The following GAS7 variants were observed in gnomAD, a reference collection of about 807,000 sequenced individuals.
GAS7 encodes the protein growth arrest-specific protein 7.
A neutral mutation model predicts 71.1 loss-of-function variants in GAS7; 28 were observed. The ratio of observed to expected loss-of-function variants is 0.39; its 90% CI spans 0.29 to 0.54. The LOEUF (loss-of-function observed/expected upper bound fraction) is 0.54, where lower values mean the gene tolerates loss of function less well. Ranked by LOEUF, GAS7 falls within the 20% of genes least tolerant of loss-of-function variation. The probability of loss-of-function intolerance (pLI) is 0.62; values close to 1 mark genes in which losing one functional copy is unlikely to be tolerated. For missense variants in GAS7, 436 were observed against 627.8 expected (o/e 0.69, Z 3.27); for synonymous variants, 258 against 245.8 (o/e 1.05, Z -0.46).
intron 2 of GAS7, among the ~76,000 whole-genome samples, chr17:9,984,100 A>G (rs2070542696): frequency 6.6e-6 from 1 of 152,244 alleles, no homozygotes; most frequent in African/African-American, 2.4e-5. Context: ...TGATATGAGG[A>G]TATAACATTA....
At chr17:10,187,608 G>A (rs2074465270) in intron 1 of GAS7, among the ~76,000 whole-genome samples, 1 of 151,972 alleles carries the variant, frequency 6.6e-6, no homozygotes. Context: ...TATGCTTTTT[G>A]GTAAGCTGCC....
intron 1 of GAS7, among the ~76,000 whole-genome samples, chr17:10,126,116 T>C (rs1473888445): frequency 6.6e-6 from 1 of 152,132 alleles, no homozygotes; most frequent in South Asian, 2.1e-4. Context: ...TTGGGTTCCC[T>C]GGCCACCAAA....
At chr17:10,144,912 G>T (rs566090717) in intron 1 of GAS7, among the ~76,000 whole-genome samples, 13 of 152,212 alleles carry the variant, frequency 8.5e-5, no homozygotes, top group Non-Finnish European at 1.3e-4. Flanking sequence ...TGCATGGCAG[G>T]TACAACAGGC....
chr17:10,149,667 TCA>T (rs2074148824), intron 1 of GAS7, among the ~76,000 whole-genome samples: 1 of 152,158 alleles, frequency 6.6e-6, no homozygotes, highest in African/African-American at 2.4e-5. Context: ...ACAGCATTAT[TCA>T]CAATAGCTAG....
intron 9 of GAS7, among the ~76,000 whole-genome samples, chr17:9,933,299 A>C (rs1355610492): frequency 6.6e-6 from 1 of 152,190 alleles, no homozygotes; most frequent in Non-Finnish European, 1.5e-5. Context: ...GCATAACCTA[A>C]TGTTCCCTGA....
rs562573778 is a variant in GAS7 at position 9,911,044 on chromosome 17, T to A, written c.*6184A>T. On this transcript the variant is annotated 3_prime_UTR_variant, in exon 14 of 14. Coordinates refer to ENST00000432992, the MANE Select transcript of GAS7 (RefSeq NM_201433.2). The surrounding 1 kb of genome is among the most constrained non-coding windows in gnomAD (Gnocchi z 4.0). ...CGATGTGCTCGTGTCTGTGAAGGGG[T>A]TGCTTCCGGTCATCTCCTTCCTAAC... 4.3e-6 allele frequency: 1 copy of A among 232,972 alleles called. No individual in the cohort carries two copies. The highest frequency in any genetic ancestry group is 8.5e-6 in the Non-Finnish European group (1 of 117,844). The allele number at this position is 232,972 out of a possible 1,614,324, so 14.4% of individuals were successfully genotyped here.
At chr17:10,044,155 AG>A (rs1361500718) in intron 1 of GAS7, among the ~76,000 whole-genome samples, 2 of 152,238 alleles carry the variant, frequency 1.3e-5, no homozygotes, top group African/African-American at 2.4e-5. Flanking sequence ...CAGCATCACT[AG>A]TGGCACACTC....
At chr17:9,999,425 G>A (rs1486352881) in intron 2 of GAS7, among the ~76,000 whole-genome samples, 2 of 152,118 alleles carry the variant, frequency 1.3e-5, no homozygotes, top group African/African-American at 4.8e-5. Flanking sequence ...GGCTGAGGCA[G>A]GAGAATTGCT....
At chr17:10,045,624 G>T (rs1229676033) in intron 1 of GAS7, among the ~76,000 whole-genome samples, 1 of 152,124 alleles carries the variant, frequency 6.6e-6, no homozygotes, top group Non-Finnish European at 1.5e-5. Context: ...TTGAACCCAG[G>T]AGACAGAGAT....
intron 2 of GAS7, among the ~76,000 whole-genome samples, chr17:10,018,720 T>C (rs143296140): frequency 1.3e-3 from 195 of 152,250 alleles, no homozygotes; most frequent in African/African-American, 4.5e-3. Flanking sequence ...GGCTCCCCTG[T>C]CACTAGGACC....
chr17:9,977,061 G>A (rs1321330190), intron 3 of GAS7, among the ~76,000 whole-genome samples: 2 of 152,214 alleles, frequency 1.3e-5, no homozygotes, highest in Non-Finnish European at 2.9e-5. Context: ...CGTAATGCAC[G>A]ATGTCAATTT....
At chr17:10,182,479 T>A (rs955330491) in intron 1 of GAS7, among the ~76,000 whole-genome samples, 11 of 152,108 alleles carry the variant, frequency 7.2e-5, no homozygotes, top group African/African-American at 2.7e-4. Context: ...TACTTTTTAA[T>A]AAATTTGCTT....
At chr17:10,086,417 T>C (rs962597282) in intron 1 of GAS7, among the ~76,000 whole-genome samples, 2 of 152,140 alleles carry the variant, frequency 1.3e-5, no homozygotes, top group Non-Finnish European at 2.9e-5. Flanking sequence ...GCCAGGATTA[T>C]GTCTCCTTCA....
At chr17:9,933,576 C>T (rs1467101307) in intron 9 of GAS7, among the ~76,000 whole-genome samples, 1 of 152,142 alleles carries the variant, frequency 6.6e-6, no homozygotes. Context: ...GGTATAGTGG[C>T]TCATGTCTGT....
At chr17:9,966,301 C>T (rs573086483) in intron 4 of GAS7, among the ~76,000 whole-genome samples, 11 of 151,852 alleles carry the variant, frequency 7.2e-5, no homozygotes, top group African/African-American at 2.4e-4. Context: ...ACCGCCCCCT[C>T]CCCCCAAAAT....
intron 1 of GAS7, among the ~76,000 whole-genome samples, chr17:10,139,424 G>C (rs1298829434): frequency 6.6e-6 from 1 of 152,196 alleles, no homozygotes; most frequent in African/African-American, 2.4e-5. Context: ...TGAAAGGTCT[G>C]AGATTTCTTA....
rs535719046 is a variant in GAS7 at position 10,081,941 on chromosome 17, G to A, written c.184-62044C>T. Among the ~76,000 whole-genome samples the A allele has an allele frequency of 2.7e-4, 41 of 152,292 alleles. 3 individuals carry two copies. The South Asian group carries it at 8.3e-3, about 31-fold the overall frequency. Reference sequence around the variant, plus strand: ...CCAAGAAATACCCAGGCCGGTACACGAGGGGACAGGCATAAGGATAAGCAT... The same window carrying A: ...CCAAGAAATACCCAGGCCGGTACACAAGGGGACAGGCATAAGGATAAGCAT... On this transcript the variant is annotated intron_variant, in intron 1 of 13. Transcript: ENST00000432992.
chr17:10,135,072 C>T (rs2074027978), intron 1 of GAS7, among the ~76,000 whole-genome samples: 1 of 152,112 alleles, frequency 6.6e-6, no homozygotes. Flanking sequence ...ACTTTGTGAT[C>T]TACCTGCCTC....
intron 2 of GAS7, among the ~76,000 whole-genome samples, chr17:10,017,129 T>TA (rs1006847614): frequency 1.9e-4 from 23 of 122,106 alleles, no homozygotes; most frequent in Admixed American, 1.7e-3. Context: ...AGACCCTGTC[T>TA]AAAAAAATAA....
Sources: gnomAD v4.1 joint callset for allele counts (sites outside exome capture counted in the v4.1 genomes callset) on GRCh38, gnomAD v4.1.1 for gene constraint, Gnocchi (gnomAD v3.1) non-coding constraint, MANE v1.5 for transcripts, NCBI Gene and HGNC (gene_info 2026-07-23, HGNC 2026-07-21) for gene names.